ZNF33B: variants seen among roughly 807,000 people sequenced by gnomAD.
The protein encoded by ZNF33B is zinc finger protein 11b (KOX 2).
A neutral mutation model predicts 45.8 loss-of-function variants in ZNF33B; 29 were observed. The ratio of observed to expected loss-of-function variants is 0.63; its 90% CI spans 0.47 to 0.86. The LOEUF is 0.86. Among genes scored for constraint, ZNF33B ranks in the 40% least tolerant of loss-of-function variants. The pLI is 0.00. For synonymous variants in ZNF33B, 305 were observed against 307.8 expected (o/e 0.99, Z 0.10); for missense variants, 831 against 909.9 (o/e 0.91, Z 1.12).
intron 4 of ZNF33B, among the ~76,000 whole-genome samples, chr10:42,599,859 T>C (rs1443276981): frequency 6.6e-6 from 1 of 152,142 alleles, no homozygotes; most frequent in Non-Finnish European, 1.5e-5. Flanking sequence ...ATTTCCTATA[T>C]GTAAATTTCC....
chr10:42,593,681 G>A lies in ZNF33B; in HGVS notation c.1269C>T (p.Tyr423=). 1 of 1,613,458 alleles carries A rather than the reference G, an allele frequency of 6.2e-7. No homozygotes were observed. The highest frequency in any genetic ancestry group is 8.5e-7 in the Non-Finnish European group (1 of 1,179,598). Residue 423 remains tyrosine (Y), a synonymous_variant, in exon 5 of 5, where the codon TAC becomes TAT. Coordinates refer to ENST00000359467, the MANE Select transcript of ZNF33B (RefSeq NM_006955.3). ...YQCNACGKTF[Y]QKSDLTKHQR... ...GATGTTTAGTGAGGTCAGATTTCTG[G>A]TAAAAAGTTTTCCCACATGCATTAC...
chr10:42,609,125 G>A (rs138476559), intron 4 of ZNF33B, among the ~76,000 whole-genome samples: 2 of 152,016 alleles, frequency 1.3e-5, no homozygotes, highest in East Asian at 1.9e-4. Context: ...TTTAAAACTC[G>A]CCATTACAGG....
rs755652541 is a variant in ZNF33B, at chr10:42,593,637, T to A, written c.1313A>T (p.Gln438Leu). 2 of 1,614,092 alleles carry A rather than the reference T, an allele frequency of 1.2e-6. No individual in the cohort carries two copies. The highest frequency in any genetic ancestry group is 8.5e-7 in the Non-Finnish European group (1 of 1,179,972). ...ACATTCATAACATTCATAGGGTTTCTGCCCTGTGTGTGTTCTCTGATGTTT... is the reference window on the plus strand; with the variant it reads ...ACATTCATAACATTCATAGGGTTTCAGCCCTGTGTGTGTTCTCTGATGTTT... ...LTKHQRTHTG[Q>L]KPYECYECGK... Residue 438 changes from glutamine (Q) to leucine (L), a missense_variant, in exon 5 of 5, where the codon CAG (glutamine) becomes CTG (leucine). Physicochemically the swap from Gln to Leu is moderately radical, Grantham distance 113 (BLOSUM62 -2). Transcript: ENST00000359467.
rs760740068 is a variant in ZNF33B, at chr10:42,616,529, T to C, written c.250+15400A>G. 4.6e-5 allele frequency among the ~76,000 whole-genome samples: 7 copies of C among 152,248 alleles called. No homozygotes were observed. The East Asian group carries it at 7.7e-4, about 17-fold the overall frequency. Reference sequence around the variant, plus strand: ...AATCGTCTGCACACAAAATGAAAATTTGACTTCCCAACCTTTATGTTTTAT... The same window carrying C: ...AATCGTCTGCACACAAAATGAAAATCTGACTTCCCAACCTTTATGTTTTAT... On this transcript the variant is annotated intron_variant, in intron 4 of 4. Coordinates refer to ENST00000359467, the MANE Select transcript of ZNF33B (RefSeq NM_006955.3).
chr10:42,612,053 A>T (rs1348367809), intron 4 of ZNF33B, among the ~76,000 whole-genome samples: 1 of 152,112 alleles, frequency 6.6e-6, no homozygotes, highest in Non-Finnish European at 1.5e-5. Context: ...CTCACCACTA[A>T]GTATGATCTT....
intron 4 of ZNF33B, among the ~76,000 whole-genome samples, chr10:42,629,010 T>C (rs947174652): frequency 1.3e-5 from 2 of 152,186 alleles, no homozygotes; most frequent in African/African-American, 2.4e-5. Context: ...TCTGCTCCCA[T>C]GTTTACTGCA....
At chr10:42,637,656 T>C (rs1839379851) in intron 1 of ZNF33B, among the ~76,000 whole-genome samples, 1 of 139,462 alleles carries the variant, frequency 7.2e-6, no homozygotes, top group East Asian at 1.9e-4. Flanking sequence ...GTAATTCTGG[T>C]TTTTTGTTTG....
intron 4 of ZNF33B, among the ~76,000 whole-genome samples, chr10:42,609,443 A>G (rs779691494): frequency 7.9e-5 from 12 of 152,026 alleles, no homozygotes; most frequent in Non-Finnish European, 1.5e-4. Context: ...CAAACAAGAA[A>G]ACTTCCCATT....
At chr10:42,578,209 CCA>C in intron 1 of ZNF33B, among the ~76,000 whole-genome samples, 1 of 152,338 alleles carries the variant, frequency 6.6e-6, no homozygotes, top group East Asian at 1.9e-4. Context: ...TGACACCCAG[CCA>C]CAGGGCTGCA....
rs1420077914 is a variant in ZNF33B at position 42,589,665 on chromosome 10, C to A, written c.*2948G>T. Reference sequence around the variant, plus strand: ...TATACCTGAGGACTACATTCTACAACCCTGCTATAATTGCTTATTAATGTC... The same window carrying A: ...TATACCTGAGGACTACATTCTACAAACCTGCTATAATTGCTTATTAATGTC... On this transcript the variant is annotated 3_prime_UTR_variant, in exon 5 of 5. Transcript: ENST00000359467. 2 of 152,214 alleles carry A rather than the reference C, an allele frequency of 1.3e-5. No homozygotes were observed. The highest frequency in any genetic ancestry group is 4.8e-5 in the African/African-American group (2 of 41,466). 9.4% of individuals were successfully genotyped at this position (152,214 alleles called of 1,614,324 possible). A position where few individuals can be genotyped will look rare whatever the true frequency, so the allele number is the denominator to read the frequency against.
rs746810446 is a variant in ZNF33B at position 42,592,720 on chromosome 10, T to C, written c.2230A>G (p.Thr744Ala). ...SDLAKHQRSH[T>A]GEKPYECNTC... ...TTACATTCATAGGGCTTTTCCCCTG[T>C]ATGTGATCTCTGATGTTTAGCAAGG... Residue 744 changes from threonine (T) to alanine (A), a missense_variant, in exon 5 of 5, where the codon ACA becomes GCA. Physicochemically the swap from Thr to Ala is moderately conservative, Grantham distance 58. Coordinates refer to ENST00000359467, the MANE Select transcript of ZNF33B (RefSeq NM_006955.3). 7 of 1,613,998 alleles carry C rather than the reference T, an allele frequency of 4.3e-6. No homozygotes were observed. The East Asian group carries it at 1.6e-4, about 36-fold the overall frequency.
chr10:42,638,317 G>A (rs1286022047), intron 1 of ZNF33B, among the ~76,000 whole-genome samples, 157 bp downstream of exon 1: 1 of 152,282 alleles, frequency 6.6e-6, no homozygotes, highest in Non-Finnish European at 1.5e-5. Flanking sequence ...AGGAACTGGC[G>A]TAGCGTCCTG....
chr10:42,613,838 C>A (rs1838200049), intron 4 of ZNF33B, among the ~76,000 whole-genome samples: 2 of 152,154 alleles, frequency 1.3e-5, no homozygotes, highest in South Asian at 4.1e-4. Flanking sequence ...CACCATTAGC[C>A]CCTATCTTGG....
In ZNF33B at chr10:42,592,660, G is replaced by T; in HGVS notation, c.2290C>A (p.Leu764Ile). The stretch of plus-strand genomic sequence containing the variant: ...ATGTGTGTTCTCTGATGTACAATGA[G>T]ATTTGACTTTTGAGAGAAGGTTTTC... ...CRKTFSQKSN[L>I]IVHQRTHIGE... Residue 764 changes from leucine (L) to isoleucine (I), a missense_variant, in exon 5 of 5, where the codon CTC (leucine) becomes ATC (isoleucine). Leu to Ile is a conservative substitution (Grantham distance 5). Transcript: ENST00000359467. The T allele has an allele frequency of 1.1e-5, 18 of 1,613,998 alleles. No individual in the cohort carries two copies. The highest frequency in any genetic ancestry group is 1.5e-5 in the Non-Finnish European group (18 of 1,179,906).
At chr10:42,629,650 A>C (rs1166949605) in intron 4 of ZNF33B, among the ~76,000 whole-genome samples, 2 of 152,158 alleles carry the variant, frequency 1.3e-5, no homozygotes, top group African/African-American at 4.8e-5. Context: ...TTTATATTTT[A>C]ATTAGTGTAC....
rs61842935 is a variant in ZNF33B at position 42,636,950 on chromosome 10, C to T, written c.-22G>A. 0.024 allele frequency: 39,537 copies of T among 1,613,848 alleles called. 595 individuals are homozygous for T. The highest frequency in any genetic ancestry group is 0.028 in the Non-Finnish European group (32,766 of 1,179,780). The stretch of plus-strand genomic sequence containing the variant: ...TCATTTTGTTCTGTTCTTGGAAAGA[C>T]GGAGACAACTCTGAAGATACAGCTG... On this transcript the variant is annotated 5_prime_UTR_variant, in exon 2 of 5. Coordinates refer to ENST00000359467, the MANE Select transcript of ZNF33B (RefSeq NM_006955.3).
chr10:42,627,236 T>G (rs988279226), intron 4 of ZNF33B, among the ~76,000 whole-genome samples: 1 of 152,186 alleles, frequency 6.6e-6, no homozygotes, highest in Non-Finnish European at 1.5e-5. Flanking sequence ...ACTCTTGACC[T>G]CAGGTGATCC....
rs1839105076 is a variant in ZNF33B, at chr10:42,632,440, C to T, written c.10-1G>A. The T allele has an allele frequency of 1.2e-6, 2 of 1,612,814 alleles. No individual in the cohort carries two copies. The highest frequency in any genetic ancestry group is 8.5e-7 in the Non-Finnish European group (1 of 1,179,746). On this transcript the variant is annotated splice_acceptor_variant, in intron 2 of 4. Transcript: ENST00000359467. LOFTEE classifies it high-confidence loss of function. ...CTGACCCCTGGAACTTCTGATCTACCTGAAATGTTCAGAATTAGGTGGCAT... is the reference window on the plus strand; with the variant it reads ...CTGACCCCTGGAACTTCTGATCTACTTGAAATGTTCAGAATTAGGTGGCAT...
chr10:42,584,926 AAG>A (rs1324601615), downstream of ZNF33B, among the ~76,000 whole-genome samples: 4 of 152,194 alleles, frequency 2.6e-5, no homozygotes, highest in South Asian at 4.1e-4. Flanking sequence ...TGCAGCCAGG[AAG>A]AGTTTCAGGC....
Sources: allele counts gnomAD v4.1 joint callset (sites outside exome capture counted in the v4.1 genomes callset), GRCh38; gene constraint gnomAD v4.1.1; transcripts MANE v1.5; gene names NCBI Gene and HGNC (gene_info 2026-07-23, HGNC 2026-07-21).